UROS: variants seen among roughly 807,000 people sequenced by gnomAD.
UROS encodes uroporphyrinogen III synthase.
A neutral mutation model predicts 33.0 loss-of-function variants in UROS; 18 were observed. That is an observed-to-expected ratio of 0.55 (90% CI 0.38 to 0.81). The LOEUF is 0.81. UROS is among the 30% of genes least tolerant of loss of function. The probability of loss-of-function intolerance (pLI) is 0.00; values close to 1 mark genes in which losing one functional copy is unlikely to be tolerated. For missense variants in UROS, 293 were observed against 314.9 expected (o/e 0.93, Z 0.53); for synonymous variants, 114 against 121.1 (o/e 0.94, Z 0.38).
At chr10:125,787,228 C>T (rs768176748), downstream of UROS, among the ~76,000 whole-genome samples, 5 of 152,198 alleles carry the variant, frequency 3.3e-5, no homozygotes, top group African/African-American at 7.2e-5. Flanking sequence ...TCCCCTACCC[C>T]GAGGCTCTGA....
chr10:125,789,248 G>A (rs1850751801), intron 9 of UROS: 1 of 1,424,356 alleles, frequency 7.0e-7, no homozygotes, highest in Admixed American at 2.8e-5. Context: ...CTCAGGTGAG[G>A]GGCAGGGACT....
At chr10:125,786,278 C>CTTT (rs751762144), downstream of UROS, among the ~76,000 whole-genome samples, 362 of 138,534 alleles carry the variant, frequency 2.6e-3, 1 homozygote, top group African/African-American at 8.9e-3. Flanking sequence ...GCACATGAAC[C>CTTT]TTTTTTTTTT....
intron 5 of UROS, among the ~76,000 whole-genome samples, chr10:125,809,455 T>C (rs979352022): frequency 6.6e-6 from 1 of 152,242 alleles, no homozygotes; most frequent in African/African-American, 2.4e-5. Context: ...CCAAATAATG[T>C]TCTCAGGAGA....
Position 125,807,499 on chromosome 10 carries a change from C to A in UROS, c.320-12G>T, listed in dbSNP as rs1852436967. 6.2e-7 allele frequency: 1 copy of A among 1,608,864 alleles called. No homozygotes were observed. The highest frequency in any genetic ancestry group is 8.5e-7 in the Non-Finnish European group (1 of 1,175,420). ...GCCAATTTTACTCACTGGAAAACCA[C>A]AAAGAAATGTATTTCTTAACACGGT... is the stretch of plus-strand genomic sequence containing the variant. On this transcript the variant is annotated splice_polypyrimidine_tract_variant and intron_variant, in intron 5 of 9. Transcript: ENST00000368797.
At chr10:125,819,542 A>G (rs1267411238) in intron 1 of UROS, among the ~76,000 whole-genome samples, 1 of 151,746 alleles carries the variant, frequency 6.6e-6, no homozygotes, top group African/African-American at 2.4e-5. Context: ...TTACTAAACA[A>G]CCCCCAGAAC....
chr10:125,816,058 C>T, intron 3 of UROS, 119 bp downstream of exon 3: 4 of 1,060,280 alleles, frequency 3.8e-6, no homozygotes, highest in Non-Finnish European at 5.8e-6. Flanking sequence ...TGAAGTTATG[C>T]TGCCATGTTT....
intron 6 of UROS, among the ~76,000 whole-genome samples, chr10:125,805,431 G>A (rs1852237010): frequency 6.6e-6 from 1 of 152,218 alleles, no homozygotes; most frequent in Non-Finnish European, 1.5e-5. Context: ...TGTGCTGAGT[G>A]TGAATTCCAG....
chr10:125,799,854 A>G (rs1851673713), intron 6 of UROS, among the ~76,000 whole-genome samples: 1 of 152,224 alleles, frequency 6.6e-6, no homozygotes, highest in African/African-American at 2.4e-5. Context: ...CCTGAAAACT[A>G]GCCCACTTCA....
At position 125,794,238 on chromosome 10, in the gene UROS, T is replaced by G; in HGVS notation, c.660+642A>C. 7.2e-6 allele frequency: 5 copies of G among 698,368 alleles called. No homozygotes were observed. In the African/African-American group the frequency reaches 7.7e-5, roughly 11 times the overall value. 43.3% of individuals were successfully genotyped at this position (698,368 alleles called of 1,614,324 possible). ...TCCATCTTTAAAACTGGGAGAGCGG[T>G]GCATACTCCCCACATGAGATGCACC... On this transcript the variant is annotated intron_variant, in intron 9 of 9. Transcript: ENST00000368797.
At chr10:125,809,892 A>T (rs1852651878) in intron 5 of UROS, among the ~76,000 whole-genome samples, 1 of 152,194 alleles carries the variant, frequency 6.6e-6, no homozygotes. Context: ...ATCTATTATT[A>T]ATCAATAATA....
At chr10:125,805,949 C>G (rs1852290006) in intron 6 of UROS, among the ~76,000 whole-genome samples, 1 of 152,180 alleles carries the variant, frequency 6.6e-6, no homozygotes, top group African/African-American at 2.4e-5. Flanking sequence ...CTGAGCCCAG[C>G]AGTATCTCTG....
intron 5 of UROS, among the ~76,000 whole-genome samples, chr10:125,811,850 TA>T (rs1177677972): frequency 6.6e-6 from 1 of 152,116 alleles, no homozygotes; most frequent in Non-Finnish European, 1.5e-5. Context: ...TTTAGGCTTT[TA>T]AAAAAATTAT....
At chr10:125,796,047 T>G in intron 8 of UROS, 56 bp downstream of exon 8, 1 of 1,523,884 alleles carries the variant, frequency 6.6e-7, no homozygotes, top group Non-Finnish European at 9.1e-7. Flanking sequence ...CCCTTCACCC[T>G]CTGCTTCCCC....
intron 1 of UROS, among the ~76,000 whole-genome samples, chr10:125,819,264 G>C (rs1379312461): frequency 6.6e-6 from 1 of 152,170 alleles, no homozygotes; most frequent in Non-Finnish European, 1.5e-5. Context: ...TTACAGGTGT[G>C]AGCCACTGCA....
intron 6 of UROS, chr10:125,802,599 C>T: frequency 9.6e-7 from 1 of 1,037,036 alleles, no homozygotes; most frequent in Non-Finnish European, 1.2e-6. Context: ...ACAGGGCCAA[C>T]CGTCTTTACT....
At chr10:125,794,785 T>A in intron 9 of UROS, 95 bp downstream of exon 9, 1 of 1,193,102 alleles carries the variant, frequency 8.4e-7, no homozygotes. Flanking sequence ...AGGCCAGGGG[T>A]GTCTCACTTG....
At position 125,807,399 on chromosome 10, in the gene UROS, G is replaced by A; in HGVS notation, c.394+14C>T. ...AATAAATGGCTTCATTTGGAGTGAT[G>A]TTTTTCTACTTACTGGAACAAATAT... On this transcript the variant is annotated intron_variant, in intron 6 of 9. Transcript: ENST00000368797. 1 of 1,612,488 alleles carries A rather than the reference G, an allele frequency of 6.2e-7. No homozygotes were observed. Among genetic ancestry groups the A allele is most frequent in the Non-Finnish European group, 8.5e-7 (1 of 1,178,752 alleles).
At chr10:125,789,110 G>T in intron 9 of UROS, 105 bp from the exon 10 acceptor site, 1 of 1,484,230 alleles carries the variant, frequency 6.7e-7, no homozygotes, top group Non-Finnish European at 9.3e-7. Context: ...GCGGTTGGAC[G>T]TTACTGCTCA....
chr10:125,823,256 T>G lies in UROS; in HGVS notation c.-254A>C. 3.5e-6 allele frequency: 1 copy of G among 285,884 alleles called. No homozygotes were observed. Among genetic ancestry groups the G allele is most frequent in the Non-Finnish European group, 6.6e-6 (1 of 152,030 alleles). 17.7% of individuals were successfully genotyped at this position (285,884 alleles called of 1,614,324 possible). A position where few individuals can be genotyped will look rare whatever the true frequency, so the allele number is the denominator to read the frequency against. On this transcript the variant is annotated 5_prime_UTR_variant, in exon 1 of 10. The change abolishes an upstream ATG in the 5' untranslated region. Transcript: ENST00000368797. ...CTGCGCGCAGCTAGGCGCTCGCGCA[T>G]GCGCACCGCCATCCAGGCCACGGAA...
Sources: gnomAD v4.1 joint callset for allele counts (sites outside exome capture counted in the v4.1 genomes callset) on GRCh38, gnomAD v4.1.1 for gene constraint, MANE v1.5 for transcripts, NCBI Gene and HGNC (gene_info 2026-07-23, HGNC 2026-07-21) for gene names.